SEC23IP: variants seen among roughly 807,000 people sequenced by gnomAD.
The protein encoded by SEC23IP is SEC23 interacting protein.
SEC23IP carries 70 observed loss-of-function variants against 113.4 expected under a neutral mutation model. The ratio of observed to expected loss-of-function variants is 0.62; its 90% confidence interval spans 0.51 to 0.75. The LOEUF is 0.75. Among genes scored for constraint, SEC23IP ranks in the 30% least tolerant of loss-of-function variants. The pLI is 0.00. For missense variants in SEC23IP, 1,160 were observed against 1,204.9 expected (o/e 0.96, Z 0.55); for synonymous variants, 398 against 421.0 (o/e 0.95, Z 0.67).
Position 119,914,765 on chromosome 10 carries a change from G to T in SEC23IP, c.1348G>T (p.Val450Leu), listed in dbSNP as rs1258679688. 6.2e-7 allele frequency: 1 copy of T among 1,614,128 alleles called. No homozygotes were observed. The highest frequency in any genetic ancestry group is 1.1e-5 in the South Asian group (1 of 91,072). The part of the protein sequence containing the change: ...MPQVDHLVFV[V>L]HGIGPVCDLR... ...TCAAGTTGACCATTTGGTGTTTGTG[G>T]TGCATGGCATTGGACCTGTGTGTGA... The change falls in exon 7 of 19, where the codon GTG (valine) becomes TTG (leucine). Residue 450 changes from valine to leucine, a missense_variant. Transcript: ENST00000369075.
intron 16 of SEC23IP, among the ~76,000 whole-genome samples, 200 bp downstream of exon 16, chr10:119,932,518 A>G (rs1855639922): frequency 2.0e-5 from 3 of 152,124 alleles, no homozygotes; most frequent in Admixed American, 2.0e-4. Flanking sequence ...GTGGGTTTTT[A>G]TCTGATAGTT....
chr10:119,910,298 A>T (rs1254497463), intron 5 of SEC23IP, among the ~76,000 whole-genome samples: 1 of 152,010 alleles, frequency 6.6e-6, no homozygotes, highest in Non-Finnish European at 1.5e-5. Context: ...TCTTGTTTTT[A>T]AAAAAATATT....
intron 2 of SEC23IP, 70 bp downstream of exon 2, chr10:119,899,029 A>T: frequency 1.6e-6 from 2 of 1,286,582 alleles, no homozygotes; most frequent in Non-Finnish European, 2.1e-6. Flanking sequence ...CCTATGTTTT[A>T]AAAAACATTT....
chr10:119,925,696 C>G (rs539961261), intron 12 of SEC23IP, among the ~76,000 whole-genome samples: 27 of 152,082 alleles, frequency 1.8e-4, no homozygotes, highest in African/African-American at 6.3e-4. Context: ...TGTGCACTAC[C>G]AGGCCTGGCT....
rs1049668345 is a variant in SEC23IP, at chr10:119,915,813, G to A, written c.1468G>A (p.Gly490Arg). Reference protein sequence around the residue: ...RTHFKKSLDDGKVSRVEFLPV... With the variant: ...RTHFKKSLDDRKVSRVEFLPV... ...ACATTTCAAGAAATCTTTAGATGACGGGAAAGTAAGCAGAGTGGAGTTCCT... is the reference window on the plus strand; with the variant it reads ...ACATTTCAAGAAATCTTTAGATGACAGGAAAGTAAGCAGAGTGGAGTTCCT... Residue 490 changes from glycine (G) to arginine (R), a missense_variant, in exon 8 of 19, where the codon GGG becomes AGG. Coordinates refer to ENST00000369075, the MANE Select transcript of SEC23IP (RefSeq NM_007190.4). 6.9e-6 allele frequency: 11 copies of A among 1,604,002 alleles called. No individual in the cohort carries two copies. The highest frequency in any genetic ancestry group is 3.4e-5 in the Admixed American group (2 of 59,512).
chr10:119,924,457 G>A (rs1294394865), intron 12 of SEC23IP, among the ~76,000 whole-genome samples: 4 of 151,246 alleles, frequency 2.6e-5, no homozygotes, highest in African/African-American at 9.7e-5. Flanking sequence ...GTCCCGCTCT[G>A]TTGCTCAGGC....
chr10:119,902,932 A>G lies in SEC23IP; in HGVS notation c.830A>G (p.Lys277Arg), dbSNP rs754377737. ...GTTCAGCCCCACTGGTTTTACTGCA[A>G]GGAGGTAGAATACAAACAACTGTGG... Reference protein sequence around the residue: ...EPVQPHWFYCKEVEYKQLWMP... With the variant: ...EPVQPHWFYCREVEYKQLWMP... The change falls in exon 3 of 19, where the codon AAG (lysine) becomes AGG (arginine). Residue 277 changes from lysine to arginine, a missense_variant. By Grantham distance (26) the Lys-to-Arg change is conservative. Coordinates refer to ENST00000369075, the MANE Select transcript of SEC23IP (RefSeq NM_007190.4). 6 of 1,614,102 alleles carry G rather than the reference A, an allele frequency of 3.7e-6. No homozygotes were observed. The African/African-American group carries it at 6.7e-5, about 18-fold the overall frequency.
chr10:119,926,507 C>T (rs953331689), intron 13 of SEC23IP, among the ~76,000 whole-genome samples: 4 of 152,216 alleles, frequency 2.6e-5, no homozygotes, highest in Admixed American at 2.6e-4. Flanking sequence ...CCACTAACAA[C>T]AGAAGTGGCC....
At chr10:119,907,679 C>T (rs1309361098) in intron 4 of SEC23IP, among the ~76,000 whole-genome samples, 1 of 151,824 alleles carries the variant, frequency 6.6e-6, no homozygotes, top group South Asian at 2.1e-4. Context: ...GGCTGGGCAC[C>T]GTAGCTCACG....
intron 5 of SEC23IP, among the ~76,000 whole-genome samples, chr10:119,910,426 C>T (rs1038840222): frequency 1.3e-5 from 2 of 152,110 alleles, no homozygotes; most frequent in African/African-American, 4.8e-5. Flanking sequence ...GTAATTTATG[C>T]AAAAGCATCT....
chr10:119,920,810 T>G (rs1855229379), intron 11 of SEC23IP, 79 bp from the exon 12 acceptor site: 1 of 977,838 alleles, frequency 1.0e-6, no homozygotes. Context: ...ATGATGTGGT[T>G]TCTTTATAAT....
At chr10:119,920,529 T>C (rs774686421) in intron 11 of SEC23IP, among the ~76,000 whole-genome samples, 60 of 152,334 alleles carry the variant, frequency 3.9e-4, no homozygotes, top group Non-Finnish European at 7.6e-4. Flanking sequence ...ATGTAAGTGC[T>C]ATGCATACAT....
chr10:119,914,600 A>T (rs1177143540), intron 6 of SEC23IP, 130 bp from the exon 7 acceptor site: 10 of 735,190 alleles, frequency 1.4e-5, no homozygotes, highest in Non-Finnish European at 2.4e-5. Flanking sequence ...AATGAGGCTT[A>T]TTCTCTTTGA....
At chr10:119,913,755 G>T (rs1854949810) in intron 6 of SEC23IP, among the ~76,000 whole-genome samples, 1 of 151,644 alleles carries the variant, frequency 6.6e-6, no homozygotes. Context: ...GCCTCCTAAA[G>T]TTCTGGAATT....
In SEC23IP at chr10:119,933,182, A is replaced by G. The variant is rs749595604; in HGVS notation, c.2921+15A>G. 2 of 1,610,146 alleles carry G rather than the reference A, an allele frequency of 1.2e-6. No homozygotes were observed. The highest frequency in any genetic ancestry group is 1.7e-6 in the Non-Finnish European group (2 of 1,177,614). On this transcript the variant is annotated intron_variant, in intron 17 of 18. Transcript: ENST00000369075. ...TTATGCTATTGGTAAGTGTTCTTAA[A>G]TTTGGTAACATTTGAGTGGGCTTTT... is the stretch of plus-strand genomic sequence containing the variant.
rs1388117365 is a variant in SEC23IP at position 119,933,037 on chromosome 10, A to G, written c.2791A>G (p.Lys931Glu). The G allele has an allele frequency of 1.9e-6, 3 of 1,613,288 alleles. No individual in the cohort carries two copies. The highest frequency in any genetic ancestry group is 1.7e-5 in the Admixed American group (1 of 59,820). ...EKVVESPDFS[K>E]DEDYLGKVGM... ...GGTTGTTGAAAGTCCAGATTTTTCC[A>G]AGGATGAGGACTACTTAGGAAAGGT... The change falls in exon 17 of 19, where the codon AAG (lysine) becomes GAG (glutamate). Residue 931 changes from lysine to glutamate, a missense_variant. By Grantham distance (56) the Lys-to-Glu change is moderately conservative (BLOSUM62 1). Transcript: ENST00000369075.
intron 4 of SEC23IP, among the ~76,000 whole-genome samples, chr10:119,908,674 G>A (rs1461890449): frequency 6.6e-6 from 1 of 152,178 alleles, no homozygotes; most frequent in Non-Finnish European, 1.5e-5. Flanking sequence ...GCTTTCAGAG[G>A]AACGGTGGCC....
chr10:119,917,990 A>T lies in SEC23IP; in HGVS notation c.1699A>T (p.Met567Leu). The T allele has an allele frequency of 6.2e-7, 1 of 1,614,148 alleles. No homozygotes were observed. Among genetic ancestry groups the T allele is most frequent in the African/African-American group, 1.3e-5 (1 of 75,066 alleles). The part of the protein sequence containing the change: ...MEINHLHALF[M>L]SRNPDFKGGV... ...GATAAACCATCTGCATGCACTCTTTATGAGTCGGAACCCAGACTTCAAAGG... is the reference window on the plus strand; with the variant it reads ...GATAAACCATCTGCATGCACTCTTTTTGAGTCGGAACCCAGACTTCAAAGG... The change falls in exon 9 of 19, where the codon ATG (methionine) becomes TTG (leucine). Residue 567 changes from methionine (M) to leucine (L), a missense_variant. Physicochemically the swap from Met to Leu is conservative, Grantham distance 15. Coordinates refer to ENST00000369075, the MANE Select transcript of SEC23IP (RefSeq NM_007190.4).
chr10:119,897,458 T>C (rs372901827), intron 1 of SEC23IP, among the ~76,000 whole-genome samples: 1 of 152,234 alleles, frequency 6.6e-6, no homozygotes, highest in South Asian at 2.1e-4. Context: ...TTTGGTATTC[T>C]GTAATGATAA....
Sources: gnomAD v4.1 joint callset for allele counts (sites outside exome capture counted in the v4.1 genomes callset) on GRCh38, gnomAD v4.1.1 for gene constraint, MANE v1.5 for transcripts, NCBI Gene and HGNC (gene_info 2026-07-23, HGNC 2026-07-21) for gene names.